Variants in UBE2E2 observed in about 807,000 individuals in gnomAD.
UBE2E2 encodes the protein ubiquitin-conjugating enzyme E2 E2.
A neutral mutation model predicts 24.7 loss-of-function variants in UBE2E2; 6 were observed. The observed-to-expected ratio is 0.24, with a 90% CI of 0.13 to 0.48. The LOEUF is 0.48. Ranked by LOEUF, UBE2E2 falls within the 20% of genes least tolerant of loss-of-function variation. UBE2E2 has a pLI of 0.99. For missense variants in UBE2E2, 169 were observed against 245.0 expected (o/e 0.69, Z 2.07); for synonymous variants, 104 against 83.6 (o/e 1.24, Z -1.33).
chr3:23,588,498 A>T (rs373269290), intron 5 of UBE2E2, among the ~76,000 whole-genome samples: 8 of 149,200 alleles, frequency 5.4e-5, no homozygotes. Context: ...CTCACTACAG[A>T]CTCAAACTCC....
intron 5 of UBE2E2, among the ~76,000 whole-genome samples, chr3:23,568,572 A>G (rs1696135959): frequency 6.7e-6 from 1 of 149,190 alleles, no homozygotes; most frequent in Non-Finnish European, 1.5e-5. Flanking sequence ...ACGCTTGTAT[A>G]TCTTATATAT....
intron 5 of UBE2E2, among the ~76,000 whole-genome samples, chr3:23,561,092 T>G (rs1172904581): frequency 6.6e-6 from 1 of 152,192 alleles, no homozygotes; most frequent in African/African-American, 2.4e-5. Context: ...ATTTGTCAAT[T>G]TTGGCTTTTG....
chr3:23,581,202 C>T (rs1429624247), intron 5 of UBE2E2, among the ~76,000 whole-genome samples: 4 of 152,080 alleles, frequency 2.6e-5, no homozygotes, highest in African/African-American at 9.7e-5. Context: ...GGACTATAGG[C>T]ATGCACCACC....
chr3:23,473,431 T>A (rs988980341), intron 3 of UBE2E2, among the ~76,000 whole-genome samples: 1 of 151,492 alleles, frequency 6.6e-6, no homozygotes, highest in Non-Finnish European at 1.5e-5. Flanking sequence ...GTGAAAAAAA[T>A]TTTTTTGTAG....
intron 5 of UBE2E2, among the ~76,000 whole-genome samples, chr3:23,561,935 C>T (rs1261992528): frequency 6.6e-6 from 1 of 152,154 alleles, no homozygotes; most frequent in Non-Finnish European, 1.5e-5. Flanking sequence ...TGAGACTTTG[C>T]TGAAGTTGCT....
At chr3:23,382,895 G>GT (rs201647740) in intron 3 of UBE2E2, among the ~76,000 whole-genome samples, 2,450 of 149,028 alleles carry the variant, frequency 0.016, 56 homozygotes, top group African/African-American at 0.054. Context: ...GAAAAGGTTA[G>GT]TTTTTTTTTT....
At position 23,280,118 on chromosome 3, in the gene UBE2E2, T is replaced by C. The variant is rs1698456048; in HGVS notation, c.227+62806T>C. ...AAGGTTCAAATTACTGATATCACAT[T>C]CTTTTTTGAGGAAGCTTTTATAGAG... On this transcript the variant is annotated intron_variant, in intron 3 of 5. Transcript: ENST00000396703. The surrounding 1 kb of genome is among the most constrained non-coding windows in gnomAD (Gnocchi z 4.3). Among the ~76,000 whole-genome samples the C allele has an allele frequency of 6.6e-6, 1 of 152,226 alleles. No homozygotes were observed. The highest frequency in any genetic ancestry group is 1.5e-5 in the Non-Finnish European group (1 of 68,038).
intron 3 of UBE2E2, among the ~76,000 whole-genome samples, chr3:23,388,129 A>G (rs1231199477): frequency 1.3e-5 from 2 of 152,214 alleles, no homozygotes; most frequent in South Asian, 2.1e-4. Context: ...TTTCAAAGAA[A>G]TTAAGGTCTG....
intron 3 of UBE2E2, among the ~76,000 whole-genome samples, chr3:23,265,802 A>G (rs1305533557): frequency 6.6e-6 from 1 of 152,162 alleles, no homozygotes; most frequent in African/African-American, 2.4e-5. Flanking sequence ...TAGGTCTCTA[A>G]GGACTTGCTT....
Position 23,532,587 on chromosome 3 carries a change from A to G in UBE2E2, c.394A>G (p.Ile132Val). 1.9e-6 allele frequency: 3 copies of G among 1,554,628 alleles called. No homozygotes were observed. Among genetic ancestry groups the G allele is most frequent in the Non-Finnish European group, 2.6e-6 (3 of 1,139,056 alleles). ...CCGAACAAGAATCTATCACTGTAATATTAACAGCCAAGGTGTGATCTGTCT... is the reference window on the plus strand; with the variant it reads ...CCGAACAAGAATCTATCACTGTAATGTTAACAGCCAAGGTGTGATCTGTCT... ...TFRTRIYHCN[I>V]NSQGVICLDI... The change falls in exon 5 of 6, where the codon ATT (isoleucine) becomes GTT (valine). Residue 132 changes from isoleucine (I) to valine (V), a missense_variant. Ile to Val is a conservative substitution (Grantham distance 29, BLOSUM62 3). Transcript: ENST00000396703.
At chr3:23,408,735 C>CA (rs1697427842) in intron 3 of UBE2E2, among the ~76,000 whole-genome samples, 1 of 152,082 alleles carries the variant, frequency 6.6e-6, no homozygotes, top group East Asian at 1.9e-4. Flanking sequence ...TCACGATTCA[C>CA]AAAAAACTAG....
chr3:23,266,292 TC>T (rs1309101387), intron 3 of UBE2E2, among the ~76,000 whole-genome samples: 1 of 152,210 alleles, frequency 6.6e-6, no homozygotes, highest in African/African-American at 2.4e-5. Context: ...TGCCAGTTGT[TC>T]CTTTCCATGT....
At position 23,522,128 on chromosome 3, in the gene UBE2E2, AT is replaced by A. The variant is rs34111484; in HGVS notation, c.361-10406del. On this transcript the variant is annotated intron_variant, in intron 4 of 5. Transcript: ENST00000396703. ...TGTAGAAAACTCATATAACCAGCTA[AT>A]TTTTTTTTTTTTTTTTTTTGAGGCA... Among the ~76,000 whole-genome samples the A allele has an allele frequency of 8.8e-3, 1,093 of 124,266 alleles. 12 individuals are homozygous for A. The highest frequency in any genetic ancestry group is 0.024 in the African/African-American group (751 of 31,436). The allele number at this position is 124,266 out of a possible 152,430, so 81.5% of individuals were successfully genotyped here.
At chr3:23,541,892 G>A (rs1695403779) in intron 5 of UBE2E2, among the ~76,000 whole-genome samples, 1 of 152,150 alleles carries the variant, frequency 6.6e-6, no homozygotes, top group African/African-American at 2.4e-5. Context: ...CATACATTGT[G>A]ACCACATGTG....
At chr3:23,246,309 C>T (rs997871065) in intron 3 of UBE2E2, among the ~76,000 whole-genome samples, 2 of 148,718 alleles carry the variant, frequency 1.3e-5, no homozygotes, top group Non-Finnish European at 3.0e-5. Flanking sequence ...CAAGCTCCGC[C>T]TCCCAGGTTC....
At chr3:23,318,606 G>A (rs1403316509) in intron 3 of UBE2E2, among the ~76,000 whole-genome samples, 1 of 152,178 alleles carries the variant, frequency 6.6e-6, no homozygotes, top group African/African-American at 2.4e-5. Context: ...GTGGTGGCAG[G>A]CATGAGAGAA....
At chr3:23,424,000 A>G (rs1378238366) in intron 3 of UBE2E2, among the ~76,000 whole-genome samples, 3 of 152,168 alleles carry the variant, frequency 2.0e-5, no homozygotes, top group Non-Finnish European at 4.4e-5. Flanking sequence ...TTGAGTAATG[A>G]AAGGACATTA....
chr3:23,387,230 G>C lies in UBE2E2; in HGVS notation c.228-112378G>C, dbSNP rs1191942636. 2.0e-5 allele frequency among the ~76,000 whole-genome samples: 3 copies of C among 152,010 alleles called. No homozygotes were observed. The South Asian group carries it at 6.2e-4, about 32-fold the overall frequency. On this transcript the variant is annotated intron_variant, in intron 3 of 5. Transcript: ENST00000396703. ...TGGTTATAGATTTCTGTGGTTACAG[G>C]GCAGACGTTGTAATAGAGGCTATGA...
chr3:23,460,672 G>T (rs1698789370), intron 3 of UBE2E2, among the ~76,000 whole-genome samples: 1 of 152,150 alleles, frequency 6.6e-6, no homozygotes, highest in Non-Finnish European at 1.5e-5. Flanking sequence ...CTTTTGGGTT[G>T]TCATGGGAGT....
Sources: gnomAD v4.1 joint callset for allele counts (sites outside exome capture counted in the v4.1 genomes callset) on GRCh38, gnomAD v4.1.1 for gene constraint, Gnocchi (gnomAD v3.1) non-coding constraint, MANE v1.5 for transcripts, NCBI Gene and HGNC (gene_info 2026-07-23, HGNC 2026-07-21) for gene names.